Variants in PTPRR observed in about 807,000 individuals in gnomAD.
PTPRR encodes the protein receptor-type tyrosine-protein phosphatase R.
A neutral mutation model predicts 77.2 loss-of-function variants in PTPRR; 38 were observed. That is an observed-to-expected ratio of 0.49 (90% CI 0.38 to 0.65). The LOEUF is 0.65. Ranked by LOEUF, PTPRR falls within the 30% of genes least tolerant of loss-of-function variation. PTPRR has a pLI of 0.00. For missense variants in PTPRR, 744 were observed against 799.2 expected (o/e 0.93, Z 0.83); for synonymous variants, 299 against 283.1 (o/e 1.06, Z -0.57).
chr12:70,736,403 T>C (rs1195081161), intron 6 of PTPRR, among the ~76,000 whole-genome samples: 1 of 152,158 alleles, frequency 6.6e-6, no homozygotes. Flanking sequence ...AAAATTGATT[T>C]CCCACAGATT....
At chr12:70,864,078 T>A (rs1211865952) in intron 2 of PTPRR, among the ~76,000 whole-genome samples, 1 of 152,176 alleles carries the variant, frequency 6.6e-6, no homozygotes, top group Non-Finnish European at 1.5e-5. Flanking sequence ...CAGCCAAGAC[T>A]CACGTATATT....
chr12:70,852,677 C>A (rs1725976202), intron 2 of PTPRR, among the ~76,000 whole-genome samples: 1 of 152,116 alleles, frequency 6.6e-6, no homozygotes, highest in Non-Finnish European at 1.5e-5. Flanking sequence ...GTGGAATAGA[C>A]AACAGAAAAG....
chr12:70,765,950 G>A (rs1199631838), intron 2 of PTPRR, among the ~76,000 whole-genome samples: 1 of 152,168 alleles, frequency 6.6e-6, no homozygotes, highest in Non-Finnish European at 1.5e-5. Context: ...TGCAGCTGAG[G>A]GTCCTGTCTG....
At chr12:70,881,490 C>T (rs1893148803) in intron 2 of PTPRR, among the ~76,000 whole-genome samples, 1 of 152,138 alleles carries the variant, frequency 6.6e-6, no homozygotes, top group Admixed American at 6.6e-5. Context: ...GGCCTATCCC[C>T]TCAAAAATGG....
chr12:70,812,029 G>T (rs921901496), intron 2 of PTPRR, among the ~76,000 whole-genome samples: 2 of 152,110 alleles, frequency 1.3e-5, no homozygotes, highest in African/African-American at 4.8e-5. Flanking sequence ...CTTAAAAGAG[G>T]CATTGGTCAA....
intron 1 of PTPRR, among the ~76,000 whole-genome samples, chr12:70,893,454 C>T (rs1021242812): frequency 6.6e-6 from 1 of 151,880 alleles, no homozygotes; most frequent in Non-Finnish European, 1.5e-5. Flanking sequence ...TATTTAAGCT[C>T]TCTGAGGTAA....
chr12:70,703,983 A>G (rs1261174820), intron 6 of PTPRR, among the ~76,000 whole-genome samples: 1 of 152,202 alleles, frequency 6.6e-6, no homozygotes, highest in African/African-American at 2.4e-5. Flanking sequence ...GTAGGAGAAT[A>G]AATTAATACA....
intron 2 of PTPRR, among the ~76,000 whole-genome samples, chr12:70,822,164 G>A (rs899852072): frequency 6.6e-6 from 1 of 152,178 alleles, no homozygotes; most frequent in African/African-American, 2.4e-5. Flanking sequence ...AGGAAAGGCT[G>A]TATTGAACAT....
In PTPRR at chr12:70,722,250, G is replaced by A. The variant is rs543460888; in HGVS notation, c.1008-20927C>T. Among the ~76,000 whole-genome samples the A allele has an allele frequency of 4.2e-3, 645 of 152,160 alleles. 4 individuals carry two copies. The highest frequency in any genetic ancestry group is 0.014 in the African/African-American group (591 of 41,526). ...AGAGCACAAGACATTTTAGGAACAG[G>A]AAAAGCCTATCCGGTCCAACATACC... is the stretch of plus-strand genomic sequence containing the variant. On this transcript the variant is annotated intron_variant, in intron 6 of 13. Transcript: ENST00000283228.
At chr12:70,665,495 C>A (rs569430028) in intron 10 of PTPRR, among the ~76,000 whole-genome samples, 182 of 149,372 alleles carry the variant, frequency 1.2e-3, no homozygotes, top group Non-Finnish European at 2.1e-3. Context: ...GATTCTCCCG[C>A]CTCAGCCTCC....
At chr12:70,737,157 C>A (rs995529971) in intron 6 of PTPRR, among the ~76,000 whole-genome samples, 1 of 152,124 alleles carries the variant, frequency 6.6e-6, no homozygotes, top group Non-Finnish European at 1.5e-5. Flanking sequence ...CATGAGGGTG[C>A]AGAGGCTCAG....
In PTPRR at chr12:70,719,420, C is replaced by T. The variant is rs900687197; in HGVS notation, c.1008-18097G>A. 5.9e-5 allele frequency among the ~76,000 whole-genome samples: 9 copies of T among 152,144 alleles called. No homozygotes were observed. In the East Asian group the frequency reaches 1.5e-3, roughly 26 times the overall value. ...ATCTACAGCAAAACGGTGCTTTATC[C>T]TAGAAATCCCTTTTCAATCCAAATC... On this transcript the variant is annotated intron_variant, in intron 6 of 13. Coordinates refer to ENST00000283228, the MANE Select transcript of PTPRR (RefSeq NM_002849.4).
At chr12:70,803,628 A>G (rs1891656411) in intron 2 of PTPRR, among the ~76,000 whole-genome samples, 1 of 152,126 alleles carries the variant, frequency 6.6e-6, no homozygotes, top group African/African-American at 2.4e-5. Flanking sequence ...TGCCGAGACA[A>G]TGCTGCCCAT....
intron 1 of PTPRR, among the ~76,000 whole-genome samples, chr12:70,894,806 A>G (rs140949003): frequency 4.0e-5 from 6 of 151,882 alleles, no homozygotes; most frequent in East Asian, 1.9e-4. Flanking sequence ...GAGAAATAAA[A>G]TGTACAATTA....
At chr12:70,880,743 T>C (rs1385023786) in intron 2 of PTPRR, among the ~76,000 whole-genome samples, 3 of 152,182 alleles carry the variant, frequency 2.0e-5, no homozygotes, top group South Asian at 2.1e-4. Context: ...TCGAAATCTT[T>C]ACACATCTGA....
At chr12:70,901,092 T>C (rs1592824189) in intron 1 of PTPRR, among the ~76,000 whole-genome samples, 2 of 151,552 alleles carry the variant, frequency 1.3e-5, no homozygotes, top group Admixed American at 6.6e-5. Flanking sequence ...CCTTTGAGCA[T>C]CATGTTGGTA....
At chr12:70,845,498 G>A (rs1407858572) in intron 2 of PTPRR, among the ~76,000 whole-genome samples, 1 of 152,110 alleles carries the variant, frequency 6.6e-6, no homozygotes, top group African/African-American at 2.4e-5. Flanking sequence ...CATTTATAGT[G>A]CTTTTTTATA....
chr12:70,756,619 A>C (rs1294077279), intron 4 of PTPRR, among the ~76,000 whole-genome samples: 1 of 152,102 alleles, frequency 6.6e-6, no homozygotes, highest in Non-Finnish European at 1.5e-5. Flanking sequence ...TCATAGCTAC[A>C]TTTCTTTGCC....
intron 6 of PTPRR, 30 bp downstream of exon 6, chr12:70,745,788 A>G: frequency 6.3e-7 from 1 of 1,582,226 alleles, no homozygotes; most frequent in Admixed American, 1.9e-5. Flanking sequence ...ATAAAAAGCC[A>G]CACGTAGGGT....
Sources: allele counts gnomAD v4.1 joint callset (sites outside exome capture counted in the v4.1 genomes callset), GRCh38; gene constraint gnomAD v4.1.1; transcripts MANE v1.5; gene names NCBI Gene and HGNC (gene_info 2026-07-23, HGNC 2026-07-21).